CD82: variants seen among roughly 807,000 people sequenced by gnomAD.
CD82 encodes CD82 molecule, also known as CD82 antigen.
Under a neutral mutation model 37.4 loss-of-function variants are expected in CD82, and 36 were observed. That is an observed-to-expected ratio of 0.96 (90% CI 0.74 to 1.27). CD82 has a LOEUF of 1.27. CD82 is among the 50% of genes most tolerant of loss of function. The pLI is 0.00. For synonymous variants in CD82, 158 were observed against 137.4 expected, an observed-to-expected ratio of 1.15 and a Z score of -1.05; for missense variants, 340 against 347.0, an observed-to-expected ratio of 0.98 and a Z score of 0.16.
At chr11:44,613,695 T>C (rs774251020) in intron 6 of CD82, among the ~76,000 whole-genome samples, 54 of 152,218 alleles carry the variant, frequency 3.5e-4, no homozygotes, top group Admixed American at 7.2e-4. Flanking sequence ...TGGTGACTCA[T>C]GCCTGTAGCC....
chr11:44,595,266 A>G (rs1288906112), intron 3 of CD82, among the ~76,000 whole-genome samples: 1 of 152,242 alleles, frequency 6.6e-6, no homozygotes, highest in African/African-American at 2.4e-5. Context: ...CCACCCCAGC[A>G]GATGGGCCAT....
chr11:44,573,950 G>T lies in CD82; in HGVS notation c.-103+8214G>T, dbSNP rs570475974. ...CAGGGAAGAGTGCACCCTCAATGAA[G>T]CCAGAGGTTAAGGGTGGTGATGATG... On this transcript the variant is annotated intron_variant, in intron 1 of 9. Transcript: ENST00000227155. 5.3e-5 allele frequency among the ~76,000 whole-genome samples: 8 copies of T among 152,296 alleles called. No individual in the cohort carries two copies. The South Asian group carries it at 1.7e-3, about 32-fold the overall frequency.
intron 7 of CD82, among the ~76,000 whole-genome samples, chr11:44,617,951 T>C (rs1853589476): frequency 6.6e-6 from 1 of 152,304 alleles, no homozygotes; most frequent in East Asian, 1.9e-4. Context: ...CTCCTTCAAC[T>C]TGAACTTCCT....
intron 1 of CD82, among the ~76,000 whole-genome samples, chr11:44,576,215 G>A (rs1191545403): frequency 6.6e-6 from 1 of 152,180 alleles, no homozygotes; most frequent in African/African-American, 2.4e-5. Context: ...CCTGGGCTTC[G>A]TCTGGCAGGC....
rs948246475 is a variant in CD82, at chr11:44,619,391, G to A, written c.*265G>A. On this transcript the variant is annotated 3_prime_UTR_variant, in exon 10 of 10. Transcript: ENST00000227155. ...CTCAGAGAAAAATGCTCCCCACAGCGTCCCTGGCGCAGGTGGGCTGGACTT... is the reference window on the plus strand; with the variant it reads ...CTCAGAGAAAAATGCTCCCCACAGCATCCCTGGCGCAGGTGGGCTGGACTT... 1.2e-4 allele frequency: 63 copies of A among 509,582 alleles called. No homozygotes were observed. Among genetic ancestry groups the A allele is most frequent in the Middle Eastern group, 5.2e-4 (1 of 1,916 alleles). The allele number at this position is 509,582 out of a possible 1,614,324, so 31.6% of individuals were successfully genotyped here.
chr11:44,606,017 C>T (rs535750058), intron 6 of CD82, among the ~76,000 whole-genome samples: 7 of 152,244 alleles, frequency 4.6e-5, no homozygotes, highest in South Asian at 2.1e-4. Context: ...TTGACTTGAC[C>T]GGAAGTCTGG....
rs140318275 is a variant in CD82 at position 44,566,944 on chromosome 11, G to T, written c.-103+1208G>T. Among the ~76,000 whole-genome samples, 356 of 152,324 alleles carry T rather than the reference G, an allele frequency of 2.3e-3. 3 individuals carry two copies. The highest frequency in any genetic ancestry group is 3.3e-3 in the Admixed American group (51 of 15,304). On this transcript the variant is annotated intron_variant, in intron 1 of 9. Coordinates refer to ENST00000227155, the MANE Select transcript of CD82 (RefSeq NM_002231.4). ...GAGTGGCTGAGTTTTCTGTAATGTT[G>T]CTTGAGGTTGGTAAGTGTTGAGTTA...
At chr11:44,585,731 C>T (rs77848010) in intron 1 of CD82, among the ~76,000 whole-genome samples, 17,860 of 152,180 alleles carry the variant, frequency 0.12, 1,139 homozygotes, top group South Asian at 0.21. Flanking sequence ...CCCCAGTGTG[C>T]AGGGACAGGG....
At chr11:44,614,869 G>C (rs189754640) in intron 6 of CD82, among the ~76,000 whole-genome samples, 1 of 152,234 alleles carries the variant, frequency 6.6e-6, no homozygotes, top group Admixed American at 6.5e-5. Context: ...CTGGCACAAA[G>C]ACAGCACAGA....
Position 44,583,473 on chromosome 11 carries a change from C to A in CD82, c.-102-4002C>A, listed in dbSNP as rs144733870. ...CCAGTCAGGATTAGGTGGAGCTGCTCTTTTCCTTCCTGAAAGGAAGCTGAG... is the reference window on the plus strand; with the variant it reads ...CCAGTCAGGATTAGGTGGAGCTGCTATTTTCCTTCCTGAAAGGAAGCTGAG... On this transcript the variant is annotated intron_variant, in intron 1 of 9. Transcript: ENST00000227155. 2.4e-4 allele frequency among the ~76,000 whole-genome samples: 36 copies of A among 152,326 alleles called. 1 individual carries two copies. The East Asian group carries it at 6.2e-3, about 26-fold the overall frequency.
At chr11:44,582,133 C>T (rs1379625139) in intron 1 of CD82, among the ~76,000 whole-genome samples, 1 of 152,188 alleles carries the variant, frequency 6.6e-6, no homozygotes, top group Non-Finnish European at 1.5e-5. Context: ...CCACTGTCCC[C>T]CCTGTGTGAC....
At chr11:44,601,484 C>A (rs2134667770) in intron 4 of CD82, among the ~76,000 whole-genome samples, 1 of 152,270 alleles carries the variant, frequency 6.6e-6, no homozygotes, top group Non-Finnish European at 1.5e-5. Flanking sequence ...CCCCATTAGG[C>A]CCAGCTCTCT....
intron 8 of CD82, 55 bp downstream of exon 8, chr11:44,618,420 T>TCGGGGGCGGGGCTCCGA: frequency 1.3e-6 from 2 of 1,484,068 alleles, no homozygotes; most frequent in Non-Finnish European, 9.3e-7. Flanking sequence ...GGGGGCCATC[T>TCGGGGGCGGGGCTCCGA]GGGCTACTGC....
chr11:44,569,688 A>C (rs1313191756), intron 1 of CD82, among the ~76,000 whole-genome samples: 1 of 151,990 alleles, frequency 6.6e-6, no homozygotes, highest in Non-Finnish European at 1.5e-5. Context: ...AGAGCACTTG[A>C]TCCTACCTCC....
chr11:44,605,109 G>A lies in CD82; in HGVS notation c.188G>A (p.Gly63Glu), dbSNP rs1428252505. 6.2e-7 allele frequency: 1 copy of A among 1,614,194 alleles called. No individual in the cohort carries two copies. Among genetic ancestry groups the A allele is most frequent in the South Asian group, 1.1e-5 (1 of 91,086 alleles). ...RMGAYVFIGVGAVTMLMGFLG... is the reference protein window; with the variant it reads ...RMGAYVFIGVEAVTMLMGFLG... Reference sequence around the variant, plus strand: ...GGGGCCTATGTCTTCATCGGCGTGGGGGCAGTCACTATGCTCATGGGCTTC... The same window carrying A: ...GGGGCCTATGTCTTCATCGGCGTGGAGGCAGTCACTATGCTCATGGGCTTC... The change falls in exon 5 of 10, where the codon GGG (glycine) becomes GAG (glutamate). Residue 63 changes from glycine to glutamate, a missense_variant. Coordinates refer to ENST00000227155, the MANE Select transcript of CD82 (RefSeq NM_002231.4).
At chr11:44,614,560 G>A (rs1853533727) in intron 6 of CD82, among the ~76,000 whole-genome samples, 1 of 152,236 alleles carries the variant, frequency 6.6e-6, no homozygotes, top group Non-Finnish European at 1.5e-5. Context: ...ATGTGCTAGT[G>A]GAGAGAGATG....
chr11:44,587,726 G>T, intron 2 of CD82, 170 bp downstream of exon 2: 1 of 396,612 alleles, frequency 2.5e-6, no homozygotes, highest in Non-Finnish European at 5.2e-6. Flanking sequence ...GAGTCCTGGA[G>T]TGCTGGTCCC....
intron 6 of CD82, among the ~76,000 whole-genome samples, chr11:44,609,769 G>A (rs565076736): frequency 6.6e-6 from 1 of 152,302 alleles, no homozygotes; most frequent in South Asian, 2.1e-4. Context: ...AGCAGCTGGA[G>A]CCTGGGACAG....
intron 1 of CD82, among the ~76,000 whole-genome samples, chr11:44,571,533 A>C (rs1161251884): frequency 6.6e-6 from 1 of 152,178 alleles, no homozygotes; most frequent in East Asian, 1.9e-4. Flanking sequence ...GCACATAGTT[A>C]GTGCTATATA....
Sources: gnomAD v4.1 joint callset for allele counts (sites outside exome capture counted in the v4.1 genomes callset) on GRCh38, gnomAD v4.1.1 for gene constraint, MANE v1.5 for transcripts, NCBI Gene and HGNC (gene_info 2026-07-23, HGNC 2026-07-21) for gene names.